Variants in TENT4B observed in about 807,000 individuals in gnomAD.
The protein encoded by TENT4B is terminal nucleotidyltransferase 4B.
Under a neutral mutation model 75.0 loss-of-function variants are expected in TENT4B, and 10 were observed. The observed-to-expected ratio is 0.13, with a 90% CI of 0.08 to 0.23. The LOEUF is 0.23. TENT4B is among the 10% of genes least tolerant of loss of function. The pLI, the probability that TENT4B is intolerant of heterozygous loss-of-function variation, is 1.00. For synonymous variants in TENT4B, 350 were observed against 357.7 expected (o/e 0.98, Z 0.24); for missense variants, 579 against 893.8 (o/e 0.65, Z 4.49).
At chr16:50,225,311 T>C (rs781368185) in intron 10 of TENT4B, 26 bp downstream of exon 10, 2 of 1,581,742 alleles carry the variant, frequency 1.3e-6, no homozygotes, top group Non-Finnish European at 1.7e-6. Context: ...TCGGCTCTTC[T>C]GAACTCAGAT....
chr16:50,153,157 G>A, upstream of TENT4B: 1 of 411,752 alleles, frequency 2.4e-6, no homozygotes, highest in Non-Finnish European at 3.5e-6. Flanking sequence ...CAGCGGGGGC[G>A]GGGCGAGCGC....
rs147247391 is a variant in TENT4B at position 50,216,301 on chromosome 16, T to C, written c.930+106T>C. 2.2e-6 allele frequency: 3 copies of C among 1,385,952 alleles called. No homozygotes were observed. In the East Asian group the frequency reaches 7.5e-5, roughly 35 times the overall value. The allele number at this position is 1,385,952 out of a possible 1,614,324, so 85.9% of individuals were successfully genotyped here. On this transcript the variant is annotated intron_variant, in intron 4 of 11. Coordinates refer to ENST00000561678, the MANE Select transcript of TENT4B (RefSeq NM_001365324.3). ...CAGTTGCATTGCAAGTGAGTGATTC[T>C]TTCATTTTGTTAATGTCACCGTGCT...
At chr16:50,194,028 A>G (rs555056660) in intron 1 of TENT4B, among the ~76,000 whole-genome samples, 1 of 152,192 alleles carries the variant, frequency 6.6e-6, no homozygotes. Flanking sequence ...GCACTCAGCT[A>G]GAAAAGTCTG....
intron 1 of TENT4B, among the ~76,000 whole-genome samples, chr16:50,181,148 G>A (rs2038407189): frequency 6.6e-6 from 1 of 152,170 alleles, no homozygotes; most frequent in African/African-American, 2.4e-5. Flanking sequence ...AATTGGTCTT[G>A]TACAAAAGTG....
At chr16:50,205,782 G>T (rs1193963665) in intron 1 of TENT4B, among the ~76,000 whole-genome samples, 2 of 151,258 alleles carry the variant, frequency 1.3e-5, no homozygotes, top group Non-Finnish European at 2.9e-5. Context: ...GTAGAGATGG[G>T]GTTTCGCCAT....
intron 1 of TENT4B, among the ~76,000 whole-genome samples, chr16:50,189,085 G>T (rs1382889628): frequency 1.3e-5 from 2 of 152,076 alleles, no homozygotes; most frequent in African/African-American, 4.8e-5. Context: ...TAATTCCATT[G>T]TAACTTCAGC....
chr16:50,177,625 T>C (rs1433190648), intron 1 of TENT4B, among the ~76,000 whole-genome samples: 1 of 152,160 alleles, frequency 6.6e-6, no homozygotes, highest in Non-Finnish European at 1.5e-5. Context: ...CCCTTTTTTT[T>C]CTTTGTTAAT....
Position 50,229,867 on chromosome 16 carries a change from A to G in TENT4B, c.*539A>G. On this transcript the variant is annotated 3_prime_UTR_variant, in exon 12 of 12. Transcript: ENST00000561678. ...CATATAGGAGATTGATATTTGTAATAGTGGATTTGTTAATAATACTTTTTA... is the reference window on the plus strand; with the variant it reads ...CATATAGGAGATTGATATTTGTAATGGTGGATTTGTTAATAATACTTTTTA... The G allele has an allele frequency of 1.1e-6, 1 of 907,804 alleles. No individual in the cohort carries two copies. The highest frequency in any genetic ancestry group is 1.3e-6 in the Non-Finnish European group (1 of 759,122). The allele number at this position is 907,804 out of a possible 1,614,324, so 56.2% of individuals were successfully genotyped here. A position where few individuals can be genotyped will look rare whatever the true frequency, so the allele number is the denominator to read the frequency against.
At position 50,167,180 on chromosome 16, in the gene TENT4B, A is replaced by G. The variant is rs142770761; in HGVS notation, c.638+12921A>G. 1.0e-3 allele frequency among the ~76,000 whole-genome samples: 157 copies of G among 152,310 alleles called. 1 individual carries two copies. In the East Asian group the frequency reaches 0.025, roughly 24 times the overall value. ...GAAGAAGAATTGTCTTGGGCCACAC[A>G]TAAAATACACTAACAGTAATGACAG... On this transcript the variant is annotated intron_variant, in intron 1 of 11. Transcript: ENST00000561678.
intron 1 of TENT4B, among the ~76,000 whole-genome samples, chr16:50,208,746 T>C (rs2031119473): frequency 1.3e-5 from 2 of 152,192 alleles, no homozygotes; most frequent in Non-Finnish European, 2.9e-5. Context: ...GTCTTTTTTT[T>C]TTTTGAGACA....
chr16:50,208,666 C>T (rs1318685925), intron 1 of TENT4B, among the ~76,000 whole-genome samples: 1 of 152,040 alleles, frequency 6.6e-6, no homozygotes, highest in Non-Finnish European at 1.5e-5. Flanking sequence ...GGGCAAGGAT[C>T]ATGTTTTATG....
chr16:50,159,053 G>A (rs2037953658), intron 1 of TENT4B, among the ~76,000 whole-genome samples: 1 of 152,116 alleles, frequency 6.6e-6, no homozygotes, highest in South Asian at 2.1e-4. Context: ...AGATTTGGAG[G>A]GCTGAGATGT....
At chr16:50,215,693 G>A (rs573746197) in intron 3 of TENT4B, among the ~76,000 whole-genome samples, 1 of 152,248 alleles carries the variant, frequency 6.6e-6, no homozygotes, top group East Asian at 1.9e-4. Flanking sequence ...TCTGCATCCA[G>A]CTTAAAGCAC....
intron 10 of TENT4B, 35 bp downstream of exon 10, chr16:50,225,320 A>T (rs770261723): frequency 4.5e-6 from 7 of 1,566,866 alleles, no homozygotes; most frequent in Non-Finnish European, 6.1e-6. Flanking sequence ...CTGAACTCAG[A>T]TGCATGCACG....
chr16:50,193,004 A>C (rs2150711344), intron 1 of TENT4B, among the ~76,000 whole-genome samples: 1 of 152,242 alleles, frequency 6.6e-6, no homozygotes, highest in East Asian at 1.9e-4. Context: ...AACCCGAGGA[A>C]GTCAAGGCTA....
chr16:50,181,139 A>C (rs1012205174), intron 1 of TENT4B, among the ~76,000 whole-genome samples: 2 of 152,246 alleles, frequency 1.3e-5, no homozygotes, highest in Non-Finnish European at 2.9e-5. Context: ...GTTTTAAAAA[A>C]TTGGTCTTGT....
chr16:50,158,356 G>A (rs1292022626), intron 1 of TENT4B, among the ~76,000 whole-genome samples: 2 of 152,112 alleles, frequency 1.3e-5, no homozygotes, highest in Non-Finnish European at 2.9e-5. Context: ...CAAAGTGTCA[G>A]GATTACAGGC....
At chr16:50,155,976 C>CT (rs900633495) in intron 1 of TENT4B, among the ~76,000 whole-genome samples, 2 of 151,900 alleles carry the variant, frequency 1.3e-5, no homozygotes, top group Non-Finnish European at 2.9e-5. Flanking sequence ...AGAAATTGTC[C>CT]TCTCCTCTAC....
intron 1 of TENT4B, among the ~76,000 whole-genome samples, chr16:50,187,931 C>T (rs2038565063): frequency 6.6e-6 from 1 of 152,038 alleles, no homozygotes; most frequent in Non-Finnish European, 1.5e-5. Context: ...GCATTCTTTT[C>T]TTTCTTTATT....
Sources: allele counts gnomAD v4.1 joint callset (sites outside exome capture counted in the v4.1 genomes callset), GRCh38; gene constraint gnomAD v4.1.1; transcripts MANE v1.5; gene names NCBI Gene and HGNC (gene_info 2026-07-23, HGNC 2026-07-21).